The following KLHL29 variants were observed in gnomAD, a reference collection of about 807,000 sequenced individuals.
KLHL29 encodes kelch like family member 29.
KLHL29 carries 21 observed loss-of-function variants against 80.4 expected under a neutral mutation model. That is an observed-to-expected ratio of 0.26 (90% CI 0.19 to 0.38). The LOEUF (loss-of-function observed/expected upper bound fraction) is 0.38, where lower values mean the gene tolerates loss of function less well. KLHL29 is among the 10% of genes least tolerant of loss of function. The probability of loss-of-function intolerance (pLI) is 1.00; values close to 1 mark genes in which losing one functional copy is unlikely to be tolerated. For synonymous variants in KLHL29, 511 were observed against 526.8 expected, an observed-to-expected ratio of 0.97 and a Z score of 0.41; for missense variants, 867 against 1,223.9, an observed-to-expected ratio of 0.71 and a Z score of 4.35.
At chr2:23,670,983 TCCCTCCCTCCCTCC>T (rs1670723195) in intron 5 of KLHL29, among the ~76,000 whole-genome samples, 1 of 2,478 alleles carries the variant, frequency 4.0e-4, no homozygotes, top group Admixed American at 5.4e-3. Context: ...TCTCTCTCCC[TCCCTCCCTCCCTCC>T]CTCCCCCCCC....
chr2:23,482,759 A>G (rs1355170702), intron 2 of KLHL29, among the ~76,000 whole-genome samples: 1 of 152,236 alleles, frequency 6.6e-6, no homozygotes, highest in Non-Finnish European at 1.5e-5. Context: ...AAATAGTGCC[A>G]GGAGTACTGG....
At position 23,684,151 on chromosome 2, in the gene KLHL29, C is replaced by G; in HGVS notation, c.941-248C>G. Among the ~76,000 whole-genome samples the G allele has an allele frequency of 6.6e-6, 1 of 152,064 alleles. No individual in the cohort carries two copies. The highest frequency in any genetic ancestry group is 1.5e-5 in the Non-Finnish European group (1 of 68,000). On this transcript the variant is annotated intron_variant, in intron 5 of 13. Transcript: ENST00000486442. This position sits in a 1 kb window ranked among gnomAD's most constrained non-coding sequence, Gnocchi z 4.4. ...AATTTCTGGGTTTGATTTTTTGTAT[C>G]ATATTTGGTTTTTTTGCTTTTTAAA...
chr2:23,524,027 GT>G (rs756000004), intron 2 of KLHL29: 2 of 471,360 alleles, frequency 4.2e-6, no homozygotes, highest in South Asian at 1.5e-5. Context: ...ATGTGAATGA[GT>G]TTTTTTTACC....
chr2:23,577,298 C>A (rs1441180209), intron 3 of KLHL29, among the ~76,000 whole-genome samples: 1 of 151,458 alleles, frequency 6.6e-6, no homozygotes, highest in African/African-American at 2.4e-5. Flanking sequence ...TAAAAATACA[C>A]GAAATAGCCG....
At chr2:23,656,552 C>T (rs1405602912) in intron 5 of KLHL29, among the ~76,000 whole-genome samples, 1 of 152,254 alleles carries the variant, frequency 6.6e-6, no homozygotes, top group Non-Finnish European at 1.5e-5. Flanking sequence ...CCCCTTAGGG[C>T]AGTTCTGCCT....
chr2:23,512,037 G>A (rs576908590), intron 2 of KLHL29, among the ~76,000 whole-genome samples: 4 of 152,288 alleles, frequency 2.6e-5, no homozygotes, highest in South Asian at 4.1e-4. Flanking sequence ...CATGCATGGC[G>A]GTGACGGAAC....
chr2:23,456,460 A>G (rs917444031), intron 1 of KLHL29, among the ~76,000 whole-genome samples: 2 of 152,264 alleles, frequency 1.3e-5, no homozygotes, highest in South Asian at 2.1e-4. Context: ...GATTTGGGCT[A>G]TGCTCAGGAG....
intron 1 of KLHL29, among the ~76,000 whole-genome samples, chr2:23,446,693 G>A (rs187929355): frequency 1.4e-3 from 220 of 152,300 alleles, no homozygotes; most frequent in Admixed American, 2.6e-3. Flanking sequence ...AAGGTGTTGA[G>A]AATTCACTAC....
intron 2 of KLHL29, among the ~76,000 whole-genome samples, chr2:23,536,933 C>T (rs1008946081): frequency 6.6e-6 from 1 of 150,804 alleles, no homozygotes; most frequent in Non-Finnish European, 1.5e-5. Context: ...CTCTCTCCCT[C>T]TCTCGCTCTC....
chr2:23,438,447 T>G (rs1201037468), intron 1 of KLHL29, among the ~76,000 whole-genome samples: 7 of 130,450 alleles, frequency 5.4e-5, no homozygotes, highest in Non-Finnish European at 1.1e-4. Context: ...GGCTGTGGGT[T>G]TGTCATAGAT....
chr2:23,547,595 G>A (rs1709305), intron 2 of KLHL29, among the ~76,000 whole-genome samples: 3,934 of 152,156 alleles, frequency 0.026, 175 homozygotes, highest in African/African-American at 0.088. Context: ...AGAAGTGGTA[G>A]CAGTAGCAAT....
chr2:23,515,371 T>C (rs1411904160), intron 2 of KLHL29, among the ~76,000 whole-genome samples: 6 of 152,198 alleles, frequency 3.9e-5, no homozygotes, highest in Non-Finnish European at 7.3e-5. Flanking sequence ...ATACATGCTA[T>C]TTCATTACTA....
At chr2:23,637,413 C>G (rs949729024) in intron 3 of KLHL29, among the ~76,000 whole-genome samples, 19 of 152,330 alleles carry the variant, frequency 1.2e-4, no homozygotes, top group African/African-American at 4.6e-4. Flanking sequence ...CAGCCTCTGC[C>G]TGTCCCACAG....
intron 2 of KLHL29, among the ~76,000 whole-genome samples, chr2:23,517,535 A>G (rs928589776): frequency 5.3e-5 from 8 of 152,196 alleles, no homozygotes; most frequent in Non-Finnish European, 1.0e-4. Context: ...ACAGAGCGAG[A>G]CTCCGTCTCA....
At chr2:23,438,286 A>G (rs1369662580) in intron 1 of KLHL29, among the ~76,000 whole-genome samples, 2 of 151,798 alleles carry the variant, frequency 1.3e-5, no homozygotes, top group African/African-American at 2.4e-5. Flanking sequence ...TCTTTTCCTA[A>G]TTGAATACCC....
chr2:23,527,455 G>A (rs1276068597), intron 2 of KLHL29, among the ~76,000 whole-genome samples: 2 of 152,338 alleles, frequency 1.3e-5, no homozygotes, highest in Non-Finnish European at 2.9e-5. Context: ...CAGAGACTGT[G>A]GAGCCCAGAG....
chr2:23,438,436 C>T (rs9751131), intron 1 of KLHL29, among the ~76,000 whole-genome samples: 11,788 of 84,056 alleles, frequency 0.14, 1,337 homozygotes, highest in Middle Eastern at 0.22. Flanking sequence ...GGTATGATAT[C>T]GGCTGTGGGT....
At chr2:23,635,890 G>A (rs1669594636) in intron 3 of KLHL29, among the ~76,000 whole-genome samples, 1 of 152,242 alleles carries the variant, frequency 6.6e-6, no homozygotes. Context: ...GGGGAAGCTT[G>A]CTCAATTCTG....
intron 1 of KLHL29, among the ~76,000 whole-genome samples, chr2:23,420,264 G>A (rs775099627): frequency 7.9e-5 from 12 of 152,128 alleles, no homozygotes; most frequent in African/African-American, 1.4e-4. Flanking sequence ...CCTTGTGGCC[G>A]TCCCTCGAAG....
Sources: allele counts gnomAD v4.1 joint callset (sites outside exome capture counted in the v4.1 genomes callset), GRCh38; gene constraint gnomAD v4.1.1; non-coding constraint Gnocchi (gnomAD v3.1); transcripts MANE v1.5; gene names NCBI Gene and HGNC (gene_info 2026-07-23, HGNC 2026-07-21).